The following ROBO1 variants were observed in gnomAD, a reference collection of about 807,000 sequenced individuals.
The protein encoded by ROBO1 is roundabout guidance receptor 1.
A neutral mutation model predicts 195.9 loss-of-function variants in ROBO1; 149 were observed. The ratio of observed to expected loss-of-function variants is 0.76; its 90% CI spans 0.67 to 0.87. The LOEUF (loss-of-function observed/expected upper bound fraction) is 0.87, where lower values mean the gene tolerates loss of function less well. ROBO1 is among the 40% of genes least tolerant of loss of function. The probability of loss-of-function intolerance (pLI) is 0.00; values close to 1 mark genes in which losing one functional copy is unlikely to be tolerated. For missense variants in ROBO1, 1,933 were observed against 2,068.3 expected (o/e 0.93, Z 1.27); for synonymous variants, 816 against 733.2 (o/e 1.11, Z -1.82).
intron 2 of ROBO1, among the ~76,000 whole-genome samples, chr3:79,144,708 T>C (rs1465551967): frequency 6.6e-6 from 1 of 151,984 alleles, no homozygotes. Context: ...AGGAAAAATA[T>C]ATAGTTGATA....
At chr3:79,509,055 A>G (rs927291257) in intron 2 of ROBO1, among the ~76,000 whole-genome samples, 4 of 152,158 alleles carry the variant, frequency 2.6e-5, no homozygotes, top group Non-Finnish European at 5.9e-5. Flanking sequence ...AGTCCTTAGC[A>G]AAAACAATTT....
intron 2 of ROBO1, among the ~76,000 whole-genome samples, chr3:79,302,364 A>G (rs2033001041): frequency 1.3e-5 from 2 of 152,254 alleles, no homozygotes; most frequent in Non-Finnish European, 2.9e-5. Context: ...TGGAAATATC[A>G]GACTATAACA....
rs542961814 is a variant in ROBO1 at position 79,400,001 on chromosome 3, G to A, written c.88+189823C>T. Among the ~76,000 whole-genome samples the A allele has an allele frequency of 7.9e-5, 12 of 152,228 alleles. No individual in the cohort carries two copies. In the South Asian group the frequency reaches 2.3e-3, roughly 29 times the overall value. On this transcript the variant is annotated intron_variant, in intron 2 of 30. Transcript: ENST00000464233. ...CTCACAGTGCTTAGGTTTATTGGGT[G>A]CACATTTACCTCTGGTTTTATATTT...
intron 2 of ROBO1, among the ~76,000 whole-genome samples, chr3:79,188,334 A>G (rs1576791003): frequency 6.6e-6 from 1 of 152,024 alleles, no homozygotes; most frequent in African/African-American, 2.4e-5. Flanking sequence ...CAGTAGTTAC[A>G]TTAAATAATT....
intron 2 of ROBO1, among the ~76,000 whole-genome samples, chr3:79,438,906 C>G (rs1266020075): frequency 6.6e-6 from 1 of 151,994 alleles, no homozygotes; most frequent in Non-Finnish European, 1.5e-5. Context: ...CTGATACTAG[C>G]AGCTGTTTGC....
intron 2 of ROBO1, among the ~76,000 whole-genome samples, chr3:79,210,887 G>A (rs965698322): frequency 3.9e-5 from 6 of 152,054 alleles, no homozygotes; most frequent in South Asian, 2.1e-4. Flanking sequence ...TAAATCAGAC[G>A]TCCTAATTTC....
At chr3:78,905,576 G>A in intron 4 of ROBO1, among the ~76,000 whole-genome samples, 1 of 151,998 alleles carries the variant, frequency 6.6e-6, no homozygotes, top group Non-Finnish European at 1.5e-5. Context: ...CTGTGATAGT[G>A]CCATTGTACT....
intron 8 of ROBO1, among the ~76,000 whole-genome samples, chr3:78,694,719 T>C (rs1354792354): frequency 1.3e-5 from 2 of 152,144 alleles, no homozygotes; most frequent in African/African-American, 2.4e-5. Context: ...GATGATGCCT[T>C]TTAAATGACA....
intron 1 of ROBO1, among the ~76,000 whole-genome samples, chr3:79,674,987 C>T (rs976353705): frequency 7.3e-5 from 11 of 151,626 alleles, no homozygotes; most frequent in African/African-American, 2.7e-4. Context: ...TAAATTTATT[C>T]CTGGTAAAAA....
chr3:79,330,611 A>ATT (rs1236220350), intron 2 of ROBO1, among the ~76,000 whole-genome samples: 1 of 139,200 alleles, frequency 7.2e-6, no homozygotes, highest in Non-Finnish European at 1.5e-5. Context: ...AGACATGAGT[A>ATT]TTTGTGACAA....
chr3:79,190,949 T>C (rs1190445831), intron 2 of ROBO1, among the ~76,000 whole-genome samples: 1 of 151,580 alleles, frequency 6.6e-6, no homozygotes, highest in East Asian at 1.9e-4. Context: ...TTCCCAGTTC[T>C]CTCTGTGATG....
chr3:79,336,446 G>C (rs963559051), intron 2 of ROBO1, among the ~76,000 whole-genome samples: 8 of 152,238 alleles, frequency 5.3e-5, no homozygotes, highest in South Asian at 2.1e-4. Flanking sequence ...TTGCTTCAGA[G>C]AGTGCAAACC....
chr3:79,594,548 G>A (rs1192043992), intron 1 of ROBO1, among the ~76,000 whole-genome samples: 5 of 152,002 alleles, frequency 3.3e-5, no homozygotes, highest in Non-Finnish European at 7.4e-5. Context: ...GTGTATGGAA[G>A]TAATATAACC....
At chr3:78,972,046 G>A (rs947577453) in intron 3 of ROBO1, among the ~76,000 whole-genome samples, 7 of 152,206 alleles carry the variant, frequency 4.6e-5, no homozygotes, top group African/African-American at 7.2e-5. Flanking sequence ...GATTACAGGC[G>A]TGAGCCGCCG....
chr3:78,808,070 A>G (rs1377563217), intron 4 of ROBO1, among the ~76,000 whole-genome samples: 3 of 152,230 alleles, frequency 2.0e-5, no homozygotes, highest in Non-Finnish European at 4.4e-5. Flanking sequence ...ATTAGGTTAA[A>G]ATACAATAAG....
intron 3 of ROBO1, among the ~76,000 whole-genome samples, chr3:79,055,069 TG>T (rs2078778663): frequency 6.6e-6 from 1 of 152,046 alleles, no homozygotes. Context: ...ATTTTCCCCA[TG>T]GGGGTCACTG....
chr3:78,920,393 C>T, intron 4 of ROBO1, among the ~76,000 whole-genome samples: 1 of 152,054 alleles, frequency 6.6e-6, no homozygotes, highest in East Asian at 1.9e-4. Flanking sequence ...CAACCTCTGC[C>T]TCCCAGGTTC....
intron 2 of ROBO1, among the ~76,000 whole-genome samples, chr3:79,156,294 A>T (rs1356782343): frequency 6.6e-6 from 1 of 151,324 alleles, no homozygotes; most frequent in Non-Finnish European, 1.5e-5. Flanking sequence ...GGTAATATTT[A>T]TTGGCTATAA....
At chr3:79,343,048 T>C (rs2034971873) in intron 2 of ROBO1, among the ~76,000 whole-genome samples, 3 of 152,196 alleles carry the variant, frequency 2.0e-5, no homozygotes, top group Admixed American at 2.0e-4. Flanking sequence ...TTCTCTTCAC[T>C]GTTTTTGTAG....
Sources: gnomAD v4.1 joint callset for allele counts (sites outside exome capture counted in the v4.1 genomes callset) on GRCh38, gnomAD v4.1.1 for gene constraint, MANE v1.5 for transcripts, NCBI Gene and HGNC (gene_info 2026-07-23, HGNC 2026-07-21) for gene names.